Variants in COBLL1 observed in about 807,000 individuals in gnomAD.
COBLL1 encodes the protein cordon-bleu protein-like 1.
A neutral mutation model predicts 94.8 loss-of-function variants in COBLL1; 50 were observed. The ratio of observed to expected loss-of-function variants is 0.53; its 90% CI spans 0.42 to 0.67. The LOEUF (loss-of-function observed/expected upper bound fraction) is 0.67, where lower values mean the gene tolerates loss of function less well. COBLL1 is among the 30% of genes least tolerant of loss of function. The pLI is 0.00. For synonymous variants in COBLL1, 448 were observed against 473.8 expected, an observed-to-expected ratio of 0.95 and a Z score of 0.71; for missense variants, 1,362 against 1,348.7, an observed-to-expected ratio of 1.01 and a Z score of -0.15.
chr2:164,761,204 T>C (rs556750873), intron 2 of COBLL1: 4 of 151,990 alleles, frequency 2.6e-5, no homozygotes, highest in African/African-American at 7.2e-5. Flanking sequence ...AGGTCGGGAG[T>C]TCGAAACCAG....
intron 7 of COBLL1, among the ~76,000 whole-genome samples, chr2:164,715,797 GATAAA>G (rs1168457981): frequency 1.3e-5 from 2 of 151,914 alleles, no homozygotes; most frequent in East Asian, 1.9e-4. Context: ...TGCAAAATGA[GATAAA>G]ATAAAATGCC....
intron 2 of COBLL1, among the ~76,000 whole-genome samples, chr2:164,818,371 T>G (rs1428572678): frequency 7.2e-6 from 1 of 139,126 alleles, no homozygotes; most frequent in African/African-American, 2.8e-5. Context: ...TATGTGTACA[T>G]GCGTATGTGT....
intron 2 of COBLL1, among the ~76,000 whole-genome samples, chr2:164,815,718 A>T (rs977650251): frequency 2.0e-5 from 3 of 152,130 alleles, no homozygotes; most frequent in African/African-American, 7.2e-5. Context: ...TATTACCATT[A>T]TCCTAATTGG....
intron 9 of COBLL1, among the ~76,000 whole-genome samples, chr2:164,701,742 T>C (rs12692738): frequency 0.33 from 49,895 of 152,040 alleles, 10,419 homozygotes; most frequent in African/African-American, 0.6. Flanking sequence ...TCCTGAGCAG[T>C]TAATGTTCAT....
At chr2:164,741,232 C>T (rs922618187) in intron 3 of COBLL1, among the ~76,000 whole-genome samples, 5 of 151,818 alleles carry the variant, frequency 3.3e-5, no homozygotes, top group Admixed American at 6.6e-5. Flanking sequence ...GCCAAGATCC[C>T]GCCAATGCAC....
At position 164,680,394 on chromosome 2, in the gene COBLL1, C is replaced by T. The variant is rs1288079989; in HGVS notation, c.*5552G>A. 1.3e-5 allele frequency: 2 copies of T among 152,024 alleles called. No homozygotes were observed. The highest frequency in any genetic ancestry group is 2.9e-5 in the Non-Finnish European group (2 of 67,988). 9.4% of individuals were successfully genotyped at this position (152,024 alleles called of 1,614,324 possible). On this transcript the variant is annotated 3_prime_UTR_variant, in exon 14 of 14. Coordinates refer to ENST00000652658, the MANE Select transcript of COBLL1 (RefSeq NM_001365672.2). ...TGATCCCTTGAAGGTATCCAAAACC[C>T]ACCAACAGAAATCATCCAAAAAGTT...
At chr2:164,792,446 C>A (rs556933220) in intron 2 of COBLL1, among the ~76,000 whole-genome samples, 2 of 152,178 alleles carry the variant, frequency 1.3e-5, no homozygotes, top group African/African-American at 4.8e-5. Context: ...TCTTGGCTCT[C>A]CTTGGGGTTC....
chr2:164,663,764 T>A (rs1473757082), intron 2 of COBLL1, among the ~76,000 whole-genome samples: 1 of 152,016 alleles, frequency 6.6e-6, no homozygotes, highest in Non-Finnish European at 1.5e-5. Context: ...CACATAGACA[T>A]AAGGATGGGA....
intron 1 of COBLL1, among the ~76,000 whole-genome samples, chr2:164,667,723 G>C (rs1332671908): frequency 1.3e-5 from 2 of 152,162 alleles, no homozygotes; most frequent in South Asian, 4.1e-4. Flanking sequence ...GAATTGACGA[G>C]AGAGTTAGGA....
intron 13 of COBLL1, among the ~76,000 whole-genome samples, chr2:164,690,440 T>C (rs1683532452): frequency 6.6e-6 from 1 of 152,212 alleles, no homozygotes; most frequent in Non-Finnish European, 1.5e-5. Flanking sequence ...GCTTTTTATG[T>C]TGATTCATAT....
chr2:164,759,782 T>A (rs1198067121), intron 2 of COBLL1, among the ~76,000 whole-genome samples: 2 of 152,200 alleles, frequency 1.3e-5, no homozygotes, highest in Non-Finnish European at 2.9e-5. Context: ...GGTACACGAA[T>A]GGCAAATAGA....
intron 3 of COBLL1, among the ~76,000 whole-genome samples, chr2:164,734,216 CAA>C (rs60971315): frequency 8.3e-5 from 10 of 120,626 alleles, no homozygotes; most frequent in South Asian, 2.9e-4. Flanking sequence ...CATGCTCTGA[CAA>C]AAAAAAAAAA....
At chr2:164,759,246 C>A (rs1387188219) in intron 2 of COBLL1, among the ~76,000 whole-genome samples, 2 of 152,040 alleles carry the variant, frequency 1.3e-5, no homozygotes, top group East Asian at 1.9e-4. Context: ...CTATCATTCA[C>A]CACATACTGA....
At chr2:164,748,293 T>G (rs1466320816) in intron 2 of COBLL1, among the ~76,000 whole-genome samples, 1 of 152,192 alleles carries the variant, frequency 6.6e-6, no homozygotes, top group Non-Finnish European at 1.5e-5. Flanking sequence ...TTATTTGACC[T>G]TTTAGTCACC....
chr2:164,686,033 C>G lies in COBLL1; in HGVS notation c.3301-1G>C. On this transcript the variant is annotated splice_acceptor_variant, in intron 13 of 13. Transcript: ENST00000652658. LOFTEE classifies it high-confidence loss of function. Reference sequence around the variant, plus strand: ...ATATTGTATTTGATGGAATGGTAACCTAAGAGAAAGAAACACACTTTGCAC... The same window carrying G: ...ATATTGTATTTGATGGAATGGTAACGTAAGAGAAAGAAACACACTTTGCAC... The G allele has an allele frequency of 6.3e-7, 1 of 1,578,790 alleles. No individual in the cohort carries two copies. The highest frequency in any genetic ancestry group is 8.7e-7 in the Non-Finnish European group (1 of 1,153,400).
chr2:164,775,256 C>T (rs1472294017), intron 2 of COBLL1, among the ~76,000 whole-genome samples: 1 of 152,100 alleles, frequency 6.6e-6, no homozygotes, highest in African/African-American at 2.4e-5. Flanking sequence ...CCCACACTGT[C>T]CTATATCTTC....
chr2:164,680,268 AC>A lies in COBLL1; in HGVS notation c.*5677del, dbSNP rs1682974801. The A allele has an allele frequency of 1.3e-5, 2 of 152,120 alleles. No individual in the cohort carries two copies. Among genetic ancestry groups the A allele is most frequent in the African/African-American group, 4.8e-5 (2 of 41,438 alleles). 9.4% of individuals were successfully genotyped at this position (152,120 alleles called of 1,614,324 possible). A position where few individuals can be genotyped will look rare whatever the true frequency, so the allele number is the denominator to read the frequency against. Reference sequence around the variant, plus strand: ...CAAGTTAAAAATCATGTACAATATAACCCACATACCCACCACCTAGATTTAA... The same window carrying A: ...CAAGTTAAAAATCATGTACAATATAACCACATACCCACCACCTAGATTTAA... On this transcript the variant is annotated 3_prime_UTR_variant, in exon 14 of 14. Transcript: ENST00000652658.
intron 2 of COBLL1, among the ~76,000 whole-genome samples, chr2:164,786,767 A>G (rs922444459): frequency 2.1e-4 from 32 of 152,206 alleles, no homozygotes; most frequent in Admixed American, 7.2e-4. Context: ...ACACCATTCT[A>G]ATGATTTCCA....
In COBLL1 at chr2:164,672,836, A is replaced by G. The variant is rs148673982; in HGVS notation, n.127-6935T>C. The stretch of plus-strand genomic sequence containing the variant: ...ATTTCAGAACACCTTAGTATTACAG[A>G]TAAAAGACTTGAGGCTCTGAGAAGT... On this transcript the variant is annotated intron_variant and non_coding_transcript_variant, in intron 1 of 2. Transcript: ENST00000495084. 2.6e-3 allele frequency among the ~76,000 whole-genome samples: 402 copies of G among 152,268 alleles called. 3 individuals carry two copies. Among genetic ancestry groups the G allele is most frequent in the African/African-American group, 9.3e-3 (385 of 41,564 alleles).
Sources: allele counts gnomAD v4.1 joint callset (sites outside exome capture counted in the v4.1 genomes callset), GRCh38; gene constraint gnomAD v4.1.1; transcripts MANE v1.5; gene names NCBI Gene and HGNC (gene_info 2026-07-23, HGNC 2026-07-21).